Variants in CBLN2 observed in about 807,000 individuals in gnomAD.
The protein encoded by CBLN2 is cerebellin 2 precursor.
CBLN2 carries 7 observed loss-of-function variants against 15.0 expected under a neutral mutation model. That is an observed-to-expected ratio of 0.47 (90% confidence interval 0.27 to 0.88). The LOEUF (loss-of-function observed/expected upper bound fraction) is 0.88. Ranked by LOEUF, CBLN2 falls within the 40% of genes least tolerant of loss-of-function variation. The probability of loss-of-function intolerance (pLI) is 0.14; values close to 1 mark genes in which losing one functional copy is unlikely to be tolerated. For missense variants in CBLN2, 242 were observed against 304.5 expected (o/e 0.79, Z 1.53); for synonymous variants, 149 against 135.2 (o/e 1.10, Z -0.71).
At chr18:72,634,345 A>G (rs1307034286) in intron 1 of CBLN2, among the ~76,000 whole-genome samples, 1 of 152,110 alleles carries the variant, frequency 6.6e-6, no homozygotes, top group Non-Finnish European at 1.5e-5. Context: ...CAATCTATTT[A>G]CTAACCTTTC....
At chr18:72,549,322 C>G (rs188355740), upstream of CBLN2, among the ~76,000 whole-genome samples, 1 of 152,310 alleles carries the variant, frequency 6.6e-6, no homozygotes, top group East Asian at 1.9e-4. Flanking sequence ...ACATTTCTAA[C>G]AAGCTTGCAG....
chr18:72,592,589 T>C (rs2069486996), intron 1 of CBLN2, among the ~76,000 whole-genome samples: 1 of 152,164 alleles, frequency 6.6e-6, no homozygotes, highest in African/African-American at 2.4e-5. Context: ...CTGGAGATTT[T>C]CTCCAATTTT....
chr18:72,620,023 C>A (rs2069689610), intron 1 of CBLN2, among the ~76,000 whole-genome samples: 1 of 152,222 alleles, frequency 6.6e-6, no homozygotes, highest in Non-Finnish European at 1.5e-5. Flanking sequence ...AGTAAGCGAC[C>A]CAGCTGTCTG....
chr18:72,599,707 A>G (rs2069535755), intron 1 of CBLN2, among the ~76,000 whole-genome samples: 1 of 152,226 alleles, frequency 6.6e-6, no homozygotes, highest in African/African-American at 2.4e-5. Context: ...AAAAAGAAGG[A>G]ATAATTGATA....
chr18:72,553,111 G>T (rs901772939), intron 1 of CBLN2, among the ~76,000 whole-genome samples: 1 of 152,160 alleles, frequency 6.6e-6, no homozygotes, highest in African/African-American at 2.4e-5. Flanking sequence ...TTTACAGAAT[G>T]GATTACACAG....
intron 3 of CBLN2, chr18:72,540,384 A>C (rs2069099990): frequency 1.3e-5 from 2 of 152,198 alleles, no homozygotes; most frequent in Non-Finnish European, 2.9e-5. Context: ...ACCCTGCCAT[A>C]GTTTGCTCAT....
intron 1 of CBLN2, among the ~76,000 whole-genome samples, chr18:72,564,034 A>G (rs994964905): frequency 1.3e-5 from 2 of 152,178 alleles, no homozygotes; most frequent in Non-Finnish European, 2.9e-5. Context: ...ACACTGTAAA[A>G]CGTACCTGCA....
intron 1 of CBLN2, among the ~76,000 whole-genome samples, chr18:72,609,386 A>G (rs2144952148): frequency 6.6e-6 from 1 of 152,252 alleles, no homozygotes; most frequent in South Asian, 2.1e-4. Context: ...AGAGGGCATT[A>G]GACACACACA....
At chr18:72,574,119 T>G (rs908359718) in intron 1 of CBLN2, among the ~76,000 whole-genome samples, 28 of 152,204 alleles carry the variant, frequency 1.8e-4, no homozygotes, top group Non-Finnish European at 4.0e-4. Context: ...TTTGCTCATT[T>G]TTTACTTGAG....
chr18:72,602,920 C>A (rs2069558293), intron 1 of CBLN2, among the ~76,000 whole-genome samples: 1 of 152,214 alleles, frequency 6.6e-6, no homozygotes, highest in African/African-American at 2.4e-5. Flanking sequence ...TCTGGTTGAA[C>A]CCTACCTGAT....
upstream of CBLN2, among the ~76,000 whole-genome samples, chr18:72,545,693 T>C (rs1009347806): frequency 2.0e-5 from 3 of 152,194 alleles, no homozygotes; most frequent in Non-Finnish European, 2.9e-5. Context: ...TAAGCATAGA[T>C]AGCAAAGAAC....
chr18:72,570,382 C>T (rs2069323843), intron 1 of CBLN2, among the ~76,000 whole-genome samples: 1 of 149,002 alleles, frequency 6.7e-6, no homozygotes, highest in African/African-American at 2.5e-5. Context: ...GAACTACAGG[C>T]GTATGCCACC....
chr18:72,602,395 T>C (rs966411513), intron 1 of CBLN2, among the ~76,000 whole-genome samples: 1 of 152,212 alleles, frequency 6.6e-6, no homozygotes, highest in African/African-American at 2.4e-5. Context: ...TCCAGTATTA[T>C]TTTCACTTTG....
intron 1 of CBLN2, among the ~76,000 whole-genome samples, chr18:72,567,953 A>C (rs2069306732): frequency 6.6e-6 from 1 of 152,164 alleles, no homozygotes; most frequent in Admixed American, 6.5e-5. Flanking sequence ...CCTATAATAA[A>C]ACTATTGTTA....
chr18:72,549,911 A>G (rs972692182), intron 1 of CBLN2, among the ~76,000 whole-genome samples: 8 of 152,158 alleles, frequency 5.3e-5, no homozygotes, highest in African/African-American at 1.9e-4. Flanking sequence ...TTTTTGTGAA[A>G]AAAATGAAAC....
intron 1 of CBLN2, among the ~76,000 whole-genome samples, chr18:72,585,427 G>C (rs2069435934): frequency 6.6e-6 from 1 of 152,164 alleles, no homozygotes; most frequent in African/African-American, 2.4e-5. Context: ...CGTTTCCACA[G>C]GCAGGTCACA....
intron 1 of CBLN2, among the ~76,000 whole-genome samples, chr18:72,551,542 G>C (rs1451658028): frequency 6.6e-6 from 1 of 152,158 alleles, no homozygotes; most frequent in African/African-American, 2.4e-5. Flanking sequence ...AGAAATGGAA[G>C]ATCTACCATC....
intron 1 of CBLN2, among the ~76,000 whole-genome samples, chr18:72,562,846 G>C (rs893737873): frequency 2.0e-5 from 3 of 152,156 alleles, no homozygotes; most frequent in Non-Finnish European, 4.4e-5. Flanking sequence ...CTCTGATACT[G>C]TCTGACAGTT....
upstream of CBLN2, among the ~76,000 whole-genome samples, chr18:72,548,386 C>A (rs1028596974): frequency 3.3e-5 from 5 of 152,106 alleles, no homozygotes; most frequent in Non-Finnish European, 4.4e-5. Flanking sequence ...GATATTAATT[C>A]TTGATCTTGA....
Sources: allele counts gnomAD v4.1 joint callset (sites outside exome capture counted in the v4.1 genomes callset), GRCh38; gene constraint gnomAD v4.1.1; transcripts MANE v1.5; gene names NCBI Gene and HGNC (gene_info 2026-07-23, HGNC 2026-07-21).